Variants in SPOPL observed in about 807,000 individuals in gnomAD.
SPOPL encodes the protein speckle-type POZ protein-like.
In SPOPL, 23 loss-of-function variants were observed where a neutral mutation model predicts 53.8. The ratio of observed to expected loss-of-function variants is 0.43; its 90% confidence interval spans 0.31 to 0.61. The LOEUF is 0.61. Ranked by LOEUF, SPOPL falls within the 20% of genes least tolerant of loss-of-function variation. The probability of loss-of-function intolerance (pLI) is 0.12; values close to 1 mark genes in which losing one functional copy is unlikely to be tolerated. For missense variants in SPOPL, 442 were observed against 466.9 expected (o/e 0.95, Z 0.49); for synonymous variants, 164 against 149.7 (o/e 1.10, Z -0.70).
chr2:138,562,440 A>G (rs1026126442), intron 8 of SPOPL, among the ~76,000 whole-genome samples: 4 of 152,202 alleles, frequency 2.6e-5, no homozygotes, highest in African/African-American at 7.2e-5. Context: ...TCTTTAAACA[A>G]GTGGTGCAGG....
chr2:138,517,630 C>A (rs920680321), intron 1 of SPOPL, among the ~76,000 whole-genome samples: 1 of 151,790 alleles, frequency 6.6e-6, no homozygotes, highest in Admixed American at 6.6e-5. Flanking sequence ...GTCCCAGGTA[C>A]CTGAGAGGCT....
chr2:138,534,926 A>T (rs1203318852), intron 1 of SPOPL, among the ~76,000 whole-genome samples: 2 of 152,224 alleles, frequency 1.3e-5, no homozygotes, highest in African/African-American at 2.4e-5. Context: ...AACATGCATC[A>T]ATACTTTATT....
intron 1 of SPOPL, among the ~76,000 whole-genome samples, chr2:138,514,071 A>G (rs1246740921): frequency 1.3e-5 from 2 of 152,164 alleles, no homozygotes; most frequent in Non-Finnish European, 2.9e-5. Flanking sequence ...AAACATACAT[A>G]TATGGTTATG....
At chr2:138,520,813 C>G (rs2104864007) in intron 1 of SPOPL, among the ~76,000 whole-genome samples, 1 of 152,314 alleles carries the variant, frequency 6.6e-6, no homozygotes, top group African/African-American at 2.4e-5. Flanking sequence ...TTATATATTA[C>G]TATAATTTGA....
At chr2:138,544,750 C>G (rs935318881) in intron 1 of SPOPL, among the ~76,000 whole-genome samples, 2 of 152,238 alleles carry the variant, frequency 1.3e-5, no homozygotes, top group African/African-American at 4.8e-5. Context: ...CCTGCACCCA[C>G]TTTCCGACAC....
chr2:138,554,789 C>T (rs1032147740), intron 5 of SPOPL, among the ~76,000 whole-genome samples: 2 of 152,100 alleles, frequency 1.3e-5, no homozygotes, highest in Non-Finnish European at 2.9e-5. Context: ...TCATGATATA[C>T]AGGAAAAATG....
At chr2:138,543,013 G>A (rs1265302816) in intron 1 of SPOPL, among the ~76,000 whole-genome samples, 1 of 152,170 alleles carries the variant, frequency 6.6e-6, no homozygotes, top group African/African-American at 2.4e-5. Flanking sequence ...TTGGCTGGAT[G>A]TGAAATTCTG....
chr2:138,564,239 C>G (rs374190369), intron 8 of SPOPL: 1 of 155,082 alleles, frequency 6.4e-6, no homozygotes, highest in African/African-American at 2.4e-5. Flanking sequence ...TATTGTGTGT[C>G]AGTTATACCT....
At chr2:138,521,639 C>T (rs1167246469) in intron 1 of SPOPL, among the ~76,000 whole-genome samples, 2 of 152,050 alleles carry the variant, frequency 1.3e-5, no homozygotes, top group African/African-American at 4.8e-5. Context: ...TCTTTTATAA[C>T]AGCATGTGTT....
intron 1 of SPOPL, among the ~76,000 whole-genome samples, chr2:138,502,574 A>C (rs1684128682): frequency 6.6e-6 from 1 of 152,064 alleles, no homozygotes; most frequent in Admixed American, 6.5e-5. Context: ...CAGACACTTG[A>C]AACTCTCGTC....
intron 5 of SPOPL, chr2:138,554,383 C>A: frequency 9.5e-7 from 1 of 1,047,444 alleles, no homozygotes; most frequent in South Asian, 1.9e-5. Context: ...AACTAACATT[C>A]TTCATGCCCT....
chr2:138,548,529 C>T (rs907658751), intron 1 of SPOPL, among the ~76,000 whole-genome samples: 4 of 151,954 alleles, frequency 2.6e-5, no homozygotes, highest in African/African-American at 4.8e-5. Flanking sequence ...TCTCCTCTTA[C>T]ACTCTCACTC....
At chr2:138,521,443 G>T (rs1290507849) in intron 1 of SPOPL, among the ~76,000 whole-genome samples, 1 of 148,952 alleles carries the variant, frequency 6.7e-6, no homozygotes, top group African/African-American at 2.5e-5. Flanking sequence ...GTTGTTAGAT[G>T]ATTTCTTGCT....
chr2:138,508,466 G>A (rs1294027758), intron 1 of SPOPL, among the ~76,000 whole-genome samples: 2 of 151,928 alleles, frequency 1.3e-5, no homozygotes, highest in Non-Finnish European at 2.9e-5. Flanking sequence ...TGAGTAGCTG[G>A]GACTACAGGC....
At chr2:138,510,792 G>A (rs74681585) in intron 1 of SPOPL, among the ~76,000 whole-genome samples, 5 of 152,060 alleles carry the variant, frequency 3.3e-5, no homozygotes, top group Non-Finnish European at 7.4e-5. Flanking sequence ...AAATTCCTCT[G>A]TAGTTTTTTA....
At position 138,550,181 on chromosome 2, in the gene SPOPL, A is replaced by G; in HGVS notation, c.-36A>G. The G allele has an allele frequency of 1.9e-6, 3 of 1,591,476 alleles. No individual in the cohort carries two copies. Among genetic ancestry groups the G allele is most frequent in the South Asian group, 1.1e-5 (1 of 90,266 alleles). On this transcript the variant is annotated 5_prime_UTR_variant, in exon 2 of 11. Transcript: ENST00000280098. ...GGTAAGGTACTCAACTGTGTGGGGT[A>G]CTACATAAATCCTGAAAGACTACAA...
intron 1 of SPOPL, among the ~76,000 whole-genome samples, chr2:138,534,800 G>A (rs1308947550): frequency 6.6e-6 from 1 of 152,122 alleles, no homozygotes; most frequent in Non-Finnish European, 1.5e-5. Context: ...CTACTAATCT[G>A]CTTTTTGTAT....
intron 5 of SPOPL, 136 bp downstream of exon 5, chr2:138,552,817 A>G: frequency 9.5e-7 from 1 of 1,054,714 alleles, no homozygotes; most frequent in Non-Finnish European, 1.3e-6. Context: ...CTTGACTAGA[A>G]AAAGCTTAGA....
chr2:138,552,787 T>TCC, intron 5 of SPOPL, 106 bp downstream of exon 5: 2 of 1,284,672 alleles, frequency 1.6e-6, no homozygotes, highest in Non-Finnish European at 2.1e-6. Context: ...GTATAGTTGA[T>TCC]TGAGTTTCAT....
Sources: allele counts gnomAD v4.1 joint callset (sites outside exome capture counted in the v4.1 genomes callset), GRCh38; gene constraint gnomAD v4.1.1; transcripts MANE v1.5; gene names NCBI Gene and HGNC (gene_info 2026-07-23, HGNC 2026-07-21).